The following RHOU variants were observed in gnomAD, a reference collection of about 807,000 sequenced individuals.
RHOU encodes rho-related GTP-binding protein RhoU.
RHOU carries 8 observed loss-of-function variants against 12.6 expected under a neutral mutation model. The ratio of observed to expected loss-of-function variants is 0.64; its 90% CI spans 0.37 to 1.15. RHOU has a LOEUF of 1.15. Among genes scored for constraint, RHOU ranks in the 50% most tolerant of loss-of-function variants. The probability of loss-of-function intolerance (pLI) is 0.01; values close to 1 mark genes in which losing one functional copy is unlikely to be tolerated. For synonymous variants in RHOU, 161 were observed against 147.4 expected (o/e 1.09, Z -0.67); for missense variants, 258 against 347.0 (o/e 0.74, Z 2.04).
chr1:228,646,829 G>GAC, the RHOU span, among the ~76,000 whole-genome samples: 1 of 151,854 alleles, frequency 6.6e-6, no homozygotes, highest in Non-Finnish European at 1.5e-5. Context: ...GTGAAACACA[G>GAC]ACACACACGG....
At chr1:228,690,379 G>A in the RHOU span, among the ~76,000 whole-genome samples, 3 of 151,864 alleles carry the variant, frequency 2.0e-5, no homozygotes, top group South Asian at 4.2e-4. Context: ...AGGCTGGAGT[G>A]CAATGGCATG....
At chr1:228,707,277 T>C in the RHOU span, among the ~76,000 whole-genome samples, 1 of 135,490 alleles carries the variant, frequency 7.4e-6, no homozygotes, top group Non-Finnish European at 1.5e-5. Flanking sequence ...TGTGTGTGTG[T>C]GTGTGTGTGT....
chr1:228,665,377 G>A, the RHOU span, among the ~76,000 whole-genome samples: 1 of 152,212 alleles, frequency 6.6e-6, no homozygotes, highest in Non-Finnish European at 1.5e-5. Context: ...GTCCACAGGA[G>A]AGGCTCTAGC....
rs113811482 is a variant in RHOU at position 228,738,638 on chromosome 1, C to T, written c.321+907C>T. ...CCACTGCCCCCCAGAGCCTCATCTA[C>T]GCCAGAGCTTCCAAGTTGCTCACCT... On this transcript the variant is annotated intron_variant, in intron 2 of 2. Transcript: ENST00000366691. The surrounding 1 kb of genome is among the most constrained non-coding windows in gnomAD (Gnocchi z 4.2). Among the ~76,000 whole-genome samples the T allele has an allele frequency of 0.023, 3,453 of 152,280 alleles. 49 individuals carry two copies. Among genetic ancestry groups the T allele is most frequent in the Non-Finnish European group, 0.035 (2,347 of 68,026 alleles).
rs12077418 is a variant in RHOU, at chr1:228,738,747, C to T, written c.321+1016C>T. On this transcript the variant is annotated intron_variant, in intron 2 of 2. Coordinates refer to ENST00000366691, the MANE Select transcript of RHOU (RefSeq NM_021205.6). This position sits in a 1 kb window ranked among gnomAD's most constrained non-coding sequence, Gnocchi z 4.2. The stretch of plus-strand genomic sequence containing the variant: ...ACATAAGACCGTGGAGCCTTGATCT[C>T]CAAGGAACACCGGGCTGGTGCAGGC... Among the ~76,000 whole-genome samples, 25,531 of 152,054 alleles carry T rather than the reference C, an allele frequency of 0.17. 2,814 individuals carry two copies. The highest frequency in any genetic ancestry group is 0.31 in the African/African-American group (12,923 of 41,432).
chr1:228,691,049 AAAG>A, the RHOU span, among the ~76,000 whole-genome samples: 1 of 152,146 alleles, frequency 6.6e-6, no homozygotes, highest in African/African-American at 2.4e-5. Context: ...TTTGGTTGTG[AAAG>A]AAGCTAAATT....
At chr1:228,674,628 G>A in the RHOU span, among the ~76,000 whole-genome samples, 3 of 151,940 alleles carry the variant, frequency 2.0e-5, no homozygotes, top group African/African-American at 2.4e-5. Flanking sequence ...TTACAGGCAT[G>A]AGCCACCGCA....
chr1:228,647,256 A>G, the RHOU span, among the ~76,000 whole-genome samples: 2 of 152,078 alleles, frequency 1.3e-5, no homozygotes, highest in South Asian at 2.1e-4. Context: ...CGTAGGCTCC[A>G]TTCTTTCTTG....
At chr1:228,694,696 C>T in the RHOU span, among the ~76,000 whole-genome samples, 2 of 152,084 alleles carry the variant, frequency 1.3e-5, no homozygotes, top group Non-Finnish European at 2.9e-5. Flanking sequence ...TACATATGTA[C>T]CACATTTTCT....
the RHOU span, among the ~76,000 whole-genome samples, chr1:228,718,345 T>C: frequency 6.6e-6 from 1 of 152,298 alleles, no homozygotes; most frequent in East Asian, 1.9e-4. Flanking sequence ...GCTTGGGAAG[T>C]ATATTAGTTA....
the RHOU span, among the ~76,000 whole-genome samples, chr1:228,704,442 A>G: frequency 6.6e-6 from 1 of 151,750 alleles, no homozygotes; most frequent in Non-Finnish European, 1.5e-5. Flanking sequence ...CAATTAGTCA[A>G]TTTTTTTTAT....
chr1:228,713,682 C>T, the RHOU span, among the ~76,000 whole-genome samples: 1 of 152,100 alleles, frequency 6.6e-6, no homozygotes, highest in Non-Finnish European at 1.5e-5. Context: ...GTTCTATGAG[C>T]CACTCTAGCA....
the RHOU span, among the ~76,000 whole-genome samples, chr1:228,723,376 C>T: frequency 5.9e-5 from 9 of 152,356 alleles, no homozygotes; most frequent in African/African-American, 1.9e-4. Flanking sequence ...GTCTGATTTG[C>T]ATAGGGCTCA....
the RHOU span, among the ~76,000 whole-genome samples, chr1:228,710,214 C>T: frequency 7.2e-5 from 11 of 152,178 alleles, no homozygotes; most frequent in African/African-American, 2.7e-4. Context: ...GATTCACAGC[C>T]AAATTCTACC....
the RHOU span, among the ~76,000 whole-genome samples, chr1:228,720,974 C>A: frequency 6.6e-6 from 1 of 152,198 alleles, no homozygotes; most frequent in Non-Finnish European, 1.5e-5. Flanking sequence ...CCTCCCTGCT[C>A]ATTTCTGGCC....
the RHOU span, among the ~76,000 whole-genome samples, chr1:228,679,648 C>T: frequency 6.6e-6 from 1 of 151,978 alleles, no homozygotes; most frequent in Non-Finnish European, 1.5e-5. Flanking sequence ...AGTTTATAGG[C>T]TTTAAAAGGC....
In RHOU at chr1:228,735,725, G is replaced by A. The variant is rs1662589221; in HGVS notation, c.-18G>A. Reference sequence around the variant, plus strand: ...GGGCCCTGCTAGCCCGCGACCGCAAGCCCGCGCTCGCGGATCGATGCCCCC... The same window carrying A: ...GGGCCCTGCTAGCCCGCGACCGCAAACCCGCGCTCGCGGATCGATGCCCCC... On this transcript the variant is annotated 5_prime_UTR_variant, in exon 1 of 3. Coordinates refer to ENST00000366691, the MANE Select transcript of RHOU (RefSeq NM_021205.6). The surrounding 1 kb of genome is among the most constrained non-coding windows in gnomAD (Gnocchi z 8.1). 4.2e-6 allele frequency: 5 copies of A among 1,202,206 alleles called. No homozygotes were observed. The South Asian group carries it at 2.1e-4, about 50-fold the overall frequency. The allele number at this position is 1,202,206 out of a possible 1,614,324, so 74.5% of individuals were successfully genotyped here. A position where few individuals can be genotyped will look rare whatever the true frequency, so the allele number is the denominator to read the frequency against.
chr1:228,646,899 C>T, the RHOU span, among the ~76,000 whole-genome samples: 3 of 151,738 alleles, frequency 2.0e-5, no homozygotes, highest in Non-Finnish European at 4.4e-5. Flanking sequence ...GGGAGAGAGA[C>T]AGCGATCGAG....
chr1:228,672,665 G>T, the RHOU span, among the ~76,000 whole-genome samples: 18 of 152,266 alleles, frequency 1.2e-4, no homozygotes, highest in African/African-American at 4.3e-4. Context: ...GGGGAGTGGA[G>T]AAATTAGTTT....
Sources: gnomAD v4.1 joint callset for allele counts (sites outside exome capture counted in the v4.1 genomes callset) on GRCh38, gnomAD v4.1.1 for gene constraint, Gnocchi (gnomAD v3.1) non-coding constraint, MANE v1.5 for transcripts, NCBI Gene and HGNC (gene_info 2026-07-23, HGNC 2026-07-21) for gene names.